The following RNF144A variants were observed in gnomAD, a reference collection of about 807,000 sequenced individuals.
RNF144A encodes the protein E3 ubiquitin-protein ligase RNF144A.
A neutral mutation model predicts 38.7 loss-of-function variants in RNF144A; 11 were observed. That is an observed-to-expected ratio of 0.28 (90% CI 0.18 to 0.47). RNF144A has a LOEUF of 0.47. Ranked by LOEUF, RNF144A falls within the 20% of genes least tolerant of loss-of-function variation. The probability of loss-of-function intolerance (pLI) is 0.99; values close to 1 mark genes in which losing one functional copy is unlikely to be tolerated. For synonymous variants in RNF144A, 149 were observed against 143.9 expected (o/e 1.04, Z -0.25); for missense variants, 316 against 377.2 (o/e 0.84, Z 1.34).
At chr2:6,970,034 A>G (rs918556702) in intron 2 of RNF144A, among the ~76,000 whole-genome samples, 2 of 152,210 alleles carry the variant, frequency 1.3e-5, no homozygotes, top group African/African-American at 4.8e-5. Flanking sequence ...TGCTGGGATT[A>G]CAGGCGTAAG....
chr2:7,029,026 G>A (rs950242308), intron 7 of RNF144A, among the ~76,000 whole-genome samples: 1 of 152,230 alleles, frequency 6.6e-6, no homozygotes, highest in African/African-American at 2.4e-5. Context: ...AAGTCCGGCT[G>A]CAGCCCCCAA....
chr2:7,048,345 A>C (rs1673389064), downstream of RNF144A, among the ~76,000 whole-genome samples: 1 of 152,242 alleles, frequency 6.6e-6, no homozygotes, highest in African/African-American at 2.4e-5. Flanking sequence ...CATGTTGTTC[A>C]CAGGAGAAAC....
chr2:7,072,275 G>T (rs1674513058), downstream of RNF144A, among the ~76,000 whole-genome samples: 1 of 152,226 alleles, frequency 6.6e-6, no homozygotes, highest in African/African-American at 2.4e-5. Context: ...GCTATAGAAT[G>T]GCAGAAGGGT....
At position 7,039,633 on chromosome 2, in the gene RNF144A, TG is replaced by T. The variant is rs1672921648; in HGVS notation, c.755del (p.Gly252AlafsTer89). On this transcript the variant is annotated frameshift_variant, in exon 9 of 9. Transcript: ENST00000320892. LOFTEE classifies it high-confidence loss of function. Reference sequence around the variant, plus strand: ...CCCTTTGTTTCTTTCTTCCAGGTTGTGGGCATTTTTGCAGGATTTGGGCTGC... The same window carrying T: ...CCCTTTGTTTCTTTCTTCCAGGTTGTGGCATTTTTGCAGGATTTGGGCTGC... ...ASVIWHRTQVVGIFAGFGLLL... is the reference protein window; with the variant it reads ...ASVIWHRTQVXGIFAGFGLLL... The T allele has an allele frequency of 6.2e-7, 1 of 1,614,018 alleles. No individual in the cohort carries two copies. Among genetic ancestry groups the T allele is most frequent in the Non-Finnish European group, 8.5e-7 (1 of 1,179,944 alleles).
chr2:7,071,771 G>A (rs941461890), downstream of RNF144A, among the ~76,000 whole-genome samples: 2 of 152,210 alleles, frequency 1.3e-5, no homozygotes, highest in Non-Finnish European at 2.9e-5. Flanking sequence ...AGTCATCTAG[G>A]TGTTGCTCTG....
At chr2:6,982,487 T>C (rs1452984267) in intron 2 of RNF144A, among the ~76,000 whole-genome samples, 2 of 152,178 alleles carry the variant, frequency 1.3e-5, no homozygotes, top group Admixed American at 6.5e-5. Context: ...ATAAAGAAAA[T>C]GACAAACTAT....
At chr2:6,957,705 C>G (rs1341850996) in intron 2 of RNF144A, among the ~76,000 whole-genome samples, 1 of 152,184 alleles carries the variant, frequency 6.6e-6, no homozygotes, top group Non-Finnish European at 1.5e-5. Flanking sequence ...CTTTATGAGC[C>G]CTCTGGTTCT....
At chr2:7,071,729 C>T (rs113800893), downstream of RNF144A, among the ~76,000 whole-genome samples, 15 of 152,256 alleles carry the variant, frequency 9.9e-5, no homozygotes, top group African/African-American at 1.9e-4. Context: ...GTCAATGTGG[C>T]GAGGCTAGGG....
In RNF144A at chr2:7,040,939, C is replaced by T. The variant is rs1673008792; in HGVS notation, c.*1179C>T. The T allele has an allele frequency of 1.0e-6, 1 of 985,454 alleles. No homozygotes were observed. Among genetic ancestry groups the T allele is most frequent in the Non-Finnish European group, 1.2e-6 (1 of 829,942 alleles). 61.0% of individuals were successfully genotyped at this position (985,454 alleles called of 1,614,324 possible). ...GGGGATTTTACCACTTGATCTTTTA[C>T]AGGGCTGTCTGTGACCATTTCCATG... On this transcript the variant is annotated 3_prime_UTR_variant, in exon 9 of 9. Transcript: ENST00000320892.
chr2:6,964,840 G>C lies in RNF144A; in HGVS notation c.-12+23693G>C, dbSNP rs554309468. ...TGTTGTGGGGTCGGGGAGGGGGAGG[G>C]ATAGCTTTAGGAGATATACCTAATG... On this transcript the variant is annotated intron_variant, in intron 2 of 8. Coordinates refer to ENST00000320892, the MANE Select transcript of RNF144A (RefSeq NM_014746.6). Among the ~76,000 whole-genome samples the C allele has an allele frequency of 2.2e-3, 341 of 151,732 alleles. 1 individual carries two copies. The highest frequency in any genetic ancestry group is 7.6e-3 in the African/African-American group (316 of 41,334).
chr2:6,977,540 G>A lies in RNF144A; in HGVS notation c.-11-19376G>A, dbSNP rs74491717. On this transcript the variant is annotated intron_variant, in intron 2 of 8. Coordinates refer to ENST00000320892, the MANE Select transcript of RNF144A (RefSeq NM_014746.6). ...TACTCAGTAAATATTTACTTTCTAC[G>A]TGTAGTACATTATACCAAATAGTTG... 3.5e-3 allele frequency among the ~76,000 whole-genome samples: 533 copies of A among 152,290 alleles called. 2 individuals are homozygous for A. The highest frequency in any genetic ancestry group is 0.012 in the African/African-American group (510 of 41,558).
Position 7,034,880 on chromosome 2 carries a change from A to T in RNF144A, c.747+4665A>T, listed in dbSNP as rs530387504. Among the ~76,000 whole-genome samples the T allele has an allele frequency of 2.0e-3, 308 of 152,100 alleles. 1 individual carries two copies. The highest frequency in any genetic ancestry group is 1.5e-3 in the Non-Finnish European group (103 of 67,972). ...AGCCTTCGGGAGTGCAGCTGATGGG[A>T]AGTTAGGGGCAGAGTCGTGATTGGC... On this transcript the variant is annotated intron_variant, in intron 8 of 8. Coordinates refer to ENST00000320892, the MANE Select transcript of RNF144A (RefSeq NM_014746.6).
intron 3 of RNF144A, among the ~76,000 whole-genome samples, chr2:6,998,025 A>T (rs1453077249): frequency 2.0e-5 from 3 of 152,262 alleles, no homozygotes; most frequent in Non-Finnish European, 4.4e-5. Context: ...ATACACGTAT[A>T]CAAAAAATGA....
chr2:6,946,161 C>T lies in RNF144A; in HGVS notation c.-12+5014C>T, dbSNP rs560792998. Among the ~76,000 whole-genome samples, 3 of 152,306 alleles carry T rather than the reference C, an allele frequency of 2.0e-5. No individual in the cohort carries two copies. The South Asian group carries it at 6.2e-4, about 32-fold the overall frequency. On this transcript the variant is annotated intron_variant, in intron 2 of 8. Coordinates refer to ENST00000320892, the MANE Select transcript of RNF144A (RefSeq NM_014746.6). ...TGTCCTTATTTTAAACATACAGTTT[C>T]TTTTGATTATTCCCAAAAGCCTAAC...
downstream of RNF144A, among the ~76,000 whole-genome samples, chr2:7,068,792 A>C (rs1404285132): frequency 6.6e-6 from 1 of 152,224 alleles, no homozygotes; most frequent in Non-Finnish European, 1.5e-5. Flanking sequence ...GCAAAGTCAC[A>C]GATAATGTGG....
intron 1 of RNF144A, among the ~76,000 whole-genome samples, chr2:6,940,015 A>G (rs1191144612): frequency 6.6e-6 from 1 of 152,000 alleles, no homozygotes; most frequent in Non-Finnish European, 1.5e-5. Context: ...TTTCTTTTCT[A>G]GGTTCTTTTA....
chr2:7,054,741 A>G (rs1572487180), intron 6 of RNF144A, among the ~76,000 whole-genome samples: 2 of 152,210 alleles, frequency 1.3e-5, no homozygotes, highest in South Asian at 2.1e-4. Flanking sequence ...TGTCCTCACC[A>G]GAACCACACC....
chr2:7,010,387 C>T lies in RNF144A; in HGVS notation c.136-4067C>T, dbSNP rs148897140. 5.4e-3 allele frequency among the ~76,000 whole-genome samples: 823 copies of T among 152,278 alleles called. 5 individuals carry two copies. The highest frequency in any genetic ancestry group is 0.019 in the African/African-American group (774 of 41,536). ...TGCTGCTTCAATTTGGACCTGCCTG[C>T]GTGTAATGTTTGTGTTAATAAATCG... On this transcript the variant is annotated intron_variant, in intron 3 of 8. Transcript: ENST00000320892.
intron 1 of RNF144A, among the ~76,000 whole-genome samples, chr2:6,922,392 G>A (rs1054324482): frequency 2.6e-5 from 4 of 152,118 alleles, no homozygotes; most frequent in African/African-American, 9.7e-5. Flanking sequence ...TTGATTGAAC[G>A]GGCTTTTGTG....
Sources: gnomAD v4.1 joint callset for allele counts (sites outside exome capture counted in the v4.1 genomes callset) on GRCh38, gnomAD v4.1.1 for gene constraint, MANE v1.5 for transcripts, NCBI Gene and HGNC (gene_info 2026-07-23, HGNC 2026-07-21) for gene names.